FHIT: variants seen among roughly 807,000 people sequenced by gnomAD.
The protein encoded by FHIT is bis(5'-adenosyl)-triphosphatase.
In FHIT, 19 loss-of-function variants were observed where a neutral mutation model predicts 17.9. The observed-to-expected ratio is 1.06, with a 90% CI of 0.74 to 1.56. The LOEUF is 1.56. Among genes scored for constraint, FHIT ranks in the 40% most tolerant of loss-of-function variants. The pLI is 0.00. For missense variants in FHIT, 248 were observed against 189.2 expected (o/e 1.31, Z -1.82); for synonymous variants, 81 against 69.7 (o/e 1.16, Z -0.81).
intron 5 of FHIT, among the ~76,000 whole-genome samples, chr3:60,260,183 T>C (rs1020345265): frequency 6.6e-6 from 1 of 151,988 alleles, no homozygotes; most frequent in Non-Finnish European, 1.5e-5. Context: ...AGCAAAACCA[T>C]CCTTCCAGTT....
intron 5 of FHIT, among the ~76,000 whole-genome samples, chr3:60,378,206 T>C (rs552288823): frequency 6.6e-6 from 1 of 151,770 alleles, no homozygotes; most frequent in East Asian, 2.0e-4. Flanking sequence ...TTTTGTATTT[T>C]TAGTAGAGAC....
chr3:60,910,574 G>C (rs1553765624), intron 3 of FHIT, among the ~76,000 whole-genome samples: 1 of 152,014 alleles, frequency 6.6e-6, no homozygotes, highest in East Asian at 1.9e-4. Flanking sequence ...ACCACGCCCG[G>C]CTAATTTTTT....
chr3:60,068,637 T>C (rs1450432749), intron 5 of FHIT, among the ~76,000 whole-genome samples: 1 of 152,204 alleles, frequency 6.6e-6, no homozygotes, highest in African/African-American at 2.4e-5. Context: ...AAATCACAAG[T>C]AAAAACTGTT....
At chr3:59,866,557 CAAG>C (rs1023897304) in intron 8 of FHIT, among the ~76,000 whole-genome samples, 2 of 152,136 alleles carry the variant, frequency 1.3e-5, no homozygotes, top group Admixed American at 6.5e-5. Flanking sequence ...GGAGGATCAA[CAAG>C]AAGACTGTTA....
chr3:59,922,382 A>G lies in FHIT; in HGVS notation c.312T>C (p.Ala104=). The change falls in exon 8 of 10, where the codon GCT becomes GCC. Residue 104 remains alanine (A), a synonymous_variant. Coordinates refer to ENST00000492590, the MANE Select transcript of FHIT (RefSeq NM_002012.4). ...HVHVHVLPRK[A]GDFHRNDSIY... ...TGCTGTCATTCCTGTGAAAGTCTCC[A>G]GCCTTCCTGGGAAGAACATGGACGT... The G allele has an allele frequency of 6.2e-7, 1 of 1,614,054 alleles. No individual in the cohort carries two copies. Among genetic ancestry groups the G allele is most frequent in the Non-Finnish European group, 8.5e-7 (1 of 1,179,964 alleles).
chr3:61,197,832 G>A (rs559645487), intron 2 of FHIT, among the ~76,000 whole-genome samples: 29 of 152,180 alleles, frequency 1.9e-4, no homozygotes, highest in Non-Finnish European at 3.7e-4. Flanking sequence ...TGGGAGGGAT[G>A]ACTTCTCCGC....
At chr3:59,878,890 AT>A (rs538229146) in intron 8 of FHIT, among the ~76,000 whole-genome samples, 3,322 of 151,938 alleles carry the variant, frequency 0.022, 45 homozygotes, top group South Asian at 0.063. Flanking sequence ...TCTGCATGCT[AT>A]TTTTTTTACT....
intron 5 of FHIT, among the ~76,000 whole-genome samples, chr3:60,522,283 G>A (rs373222536): frequency 6.6e-6 from 1 of 151,974 alleles, no homozygotes; most frequent in Admixed American, 6.6e-5. Flanking sequence ...GCTAAGTTTT[G>A]CATTTTTAGT....
chr3:60,701,803 A>G (rs1033567177), intron 4 of FHIT, among the ~76,000 whole-genome samples: 3 of 152,172 alleles, frequency 2.0e-5, no homozygotes, highest in Non-Finnish European at 4.4e-5. Context: ...TAGTCCCCAG[A>G]CAGGAAGGGG....
intron 5 of FHIT, among the ~76,000 whole-genome samples, chr3:60,105,163 C>G (rs541295938): frequency 6.6e-6 from 1 of 152,090 alleles, no homozygotes; most frequent in Non-Finnish European, 1.5e-5. Flanking sequence ...ACAAAACTCT[C>G]CAGGATACGG....
At chr3:60,255,905 T>A (rs1340740087) in intron 5 of FHIT, among the ~76,000 whole-genome samples, 1 of 152,138 alleles carries the variant, frequency 6.6e-6, no homozygotes, top group African/African-American at 2.4e-5. Context: ...TCATGGTTAG[T>A]GCTATGGCTT....
intron 5 of FHIT, among the ~76,000 whole-genome samples, chr3:60,438,572 T>A (rs386599): frequency 1.3e-5 from 2 of 152,054 alleles, no homozygotes; most frequent in East Asian, 1.9e-4. Context: ...CTTTGCTGTG[T>A]CTTGTTTAAT....
At chr3:60,374,637 C>T (rs1700469298) in intron 5 of FHIT, among the ~76,000 whole-genome samples, 1 of 150,446 alleles carries the variant, frequency 6.6e-6, no homozygotes, top group Non-Finnish European at 1.5e-5. Context: ...AAAGCATTGA[C>T]ATTTATGTAG....
At chr3:60,543,934 A>G (rs144160505) in intron 4 of FHIT, among the ~76,000 whole-genome samples, 2 of 59,016 alleles carry the variant, frequency 3.4e-5, no homozygotes, top group African/African-American at 6.5e-5. Context: ...TTTTTTTTGT[A>G]TTTTTAGTAG....
intron 5 of FHIT, among the ~76,000 whole-genome samples, chr3:60,343,227 T>G (rs1217851881): frequency 6.6e-6 from 1 of 152,074 alleles, no homozygotes; most frequent in Non-Finnish European, 1.5e-5. Flanking sequence ...GATTTCTACT[T>G]TGTAGAATCT....
At chr3:60,220,297 G>A (rs73832506) in intron 5 of FHIT, among the ~76,000 whole-genome samples, 1 of 151,948 alleles carries the variant, frequency 6.6e-6, no homozygotes, top group Non-Finnish European at 1.5e-5. Flanking sequence ...GCTCTGGCCT[G>A]AATATATTTC....
chr3:59,749,825 G>C, intron 9 of FHIT: 1 of 223,316 alleles, frequency 4.5e-6, no homozygotes. Context: ...TCCTTAAAGG[G>C]AGGTATAGTT....
chr3:60,146,208 C>G (rs1318141342), intron 5 of FHIT, among the ~76,000 whole-genome samples: 3 of 148,970 alleles, frequency 2.0e-5, no homozygotes, highest in Non-Finnish European at 4.4e-5. Flanking sequence ...TAGGATAGGT[C>G]TAGGCAGTGA....
At chr3:60,690,757 G>C (rs2040968714) in intron 4 of FHIT, 1 of 377,040 alleles carries the variant, frequency 2.7e-6, no homozygotes, top group Non-Finnish European at 5.2e-6. Flanking sequence ...AGCACCATCT[G>C]TGAAGTCTCT....
Sources: gnomAD v4.1 joint callset for allele counts (sites outside exome capture counted in the v4.1 genomes callset) on GRCh38, gnomAD v4.1.1 for gene constraint, MANE v1.5 for transcripts, NCBI Gene and HGNC (gene_info 2026-07-23, HGNC 2026-07-21) for gene names.